Variants in ADGRL2 observed in about 807,000 individuals in gnomAD.
ADGRL2 encodes the protein adhesion G protein-coupled receptor L2, also known as calcium-independent alpha-latrotoxin receptor 2.
In ADGRL2, 44 loss-of-function variants were observed where a neutral mutation model predicts 157.4. That is an observed-to-expected ratio of 0.28 (90% CI 0.22 to 0.36). The LOEUF (loss-of-function observed/expected upper bound fraction) is 0.36, where lower values mean the gene tolerates loss of function less well. ADGRL2 is among the 10% of genes least tolerant of loss of function. ADGRL2 has a pLI of 1.00. For missense variants in ADGRL2, 1,510 were observed against 1,768.9 expected, an observed-to-expected ratio of 0.85 and a Z score of 2.63; for synonymous variants, 585 against 624.7, an observed-to-expected ratio of 0.94 and a Z score of 0.95.
chr1:81,416,695 A>C (rs12740874), intron 1 of ADGRL2, among the ~76,000 whole-genome samples: 71,083 of 151,930 alleles, frequency 0.47, 17,262 homozygotes, highest in Non-Finnish European at 0.54. Context: ...TAACCTACTA[A>C]ATGTAGAAAT....
At chr1:81,837,823 A>G (rs1196397877) in intron 2 of ADGRL2, among the ~76,000 whole-genome samples, 1 of 152,020 alleles carries the variant, frequency 6.6e-6, no homozygotes, top group African/African-American at 2.4e-5. Context: ...AACAACACAC[A>G]TGCAGGTGTT....
intron 2 of ADGRL2, chr1:81,557,490 A>AAAGAAAG (rs1553123704): frequency 4.5e-5 from 4 of 88,586 alleles, no homozygotes; most frequent in East Asian, 4.0e-4. Context: ...AAGAAGAAAG[A>AAAGAAAG]AAGAAAGAAA....
At chr1:81,911,764 A>G (rs2094727146) in intron 3 of ADGRL2, among the ~76,000 whole-genome samples, 1 of 152,228 alleles carries the variant, frequency 6.6e-6, no homozygotes, top group Non-Finnish European at 1.5e-5. Context: ...GTAAATACAA[A>G]GAAGTATGAA....
intron 2 of ADGRL2, among the ~76,000 whole-genome samples, chr1:81,884,363 G>A (rs2094072171): frequency 6.6e-6 from 1 of 152,080 alleles, no homozygotes; most frequent in Admixed American, 6.6e-5. Context: ...TTCTGCCTGG[G>A]ATTATGTGTT....
chr1:81,968,171 C>T lies in ADGRL2; in HGVS notation c.2495C>T (p.Ala832Val). 1 of 1,612,146 alleles carries T rather than the reference C, an allele frequency of 6.2e-7. No homozygotes were observed. The highest frequency in any genetic ancestry group is 1.1e-5 in the South Asian group (1 of 90,396). ...GCATGCAGCCACCTAACCAATTTTG[C>T]AATTCTCATGGCCCACAGGGAAATT... is the stretch of plus-strand genomic sequence containing the variant. ...TCACSHLTNFAILMAHREIAY... is the reference protein window; with the variant it reads ...TCACSHLTNFVILMAHREIAY... Residue 832 changes from alanine to valine, a missense_variant, in exon 14 of 24, where the codon GCA becomes GTA. Physicochemically the swap from Ala to Val is moderately conservative, Grantham distance 64. Around this residue, in one of 4 missense-constraint regions of ADGRL2, gnomAD observed 497 missense variants for 627.2 expected, o/e 0.79. Transcript: ENST00000686636.
At chr1:81,340,110 G>A (rs1661959513) in intron 1 of ADGRL2, among the ~76,000 whole-genome samples, 1 of 152,156 alleles carries the variant, frequency 6.6e-6, no homozygotes. Flanking sequence ...TGAAGAATAT[G>A]TTTTTAATCA....
chr1:81,487,760 G>T (rs1056550778), intron 2 of ADGRL2, among the ~76,000 whole-genome samples: 5 of 152,046 alleles, frequency 3.3e-5, no homozygotes, highest in African/African-American at 1.2e-4. Flanking sequence ...CCATGTTAAG[G>T]TTATACTCCA....
chr1:81,563,160 T>C (rs1445783015), intron 2 of ADGRL2, among the ~76,000 whole-genome samples: 4 of 152,192 alleles, frequency 2.6e-5, no homozygotes, highest in African/African-American at 9.7e-5. Flanking sequence ...ACAGAGGAAA[T>C]GGGCTCGTGT....
intron 1 of ADGRL2, chr1:81,426,537 C>A: frequency 2.3e-6 from 1 of 432,062 alleles, no homozygotes; most frequent in Non-Finnish European, 4.6e-6. Flanking sequence ...GGATCATGAT[C>A]CAAAGGAACC....
At chr1:81,813,554 A>G (rs1169119623) in intron 1 of ADGRL2, among the ~76,000 whole-genome samples, 2 of 151,684 alleles carry the variant, frequency 1.3e-5, no homozygotes, top group African/African-American at 4.8e-5. Flanking sequence ...AGTGTGTGCC[A>G]CATTTATACA....
chr1:81,433,666 T>TA (rs2101632239), intron 1 of ADGRL2, among the ~76,000 whole-genome samples: 1 of 152,334 alleles, frequency 6.6e-6, no homozygotes, highest in African/African-American at 2.4e-5. Flanking sequence ...TTCTCATTTG[T>TA]AAAAGGAAAA....
In ADGRL2 at chr1:81,853,359, A is replaced by T. The variant is rs149909287; in HGVS notation, c.73+16302A>T. ...ACCTAGCAGGACAATGTACGACTGC[A>T]GGTGCTTATGTGGCAAGAGGATGCC... On this transcript the variant is annotated intron_variant, in intron 2 of 23. Transcript: ENST00000686636. 3.0e-3 allele frequency among the ~76,000 whole-genome samples: 462 copies of T among 152,252 alleles called. 1 individual carries two copies. Among genetic ancestry groups the T allele is most frequent in the African/African-American group, 0.011 (446 of 41,552 alleles).
chr1:81,695,167 G>A (rs1263792609), upstream of ADGRL2, among the ~76,000 whole-genome samples: 2 of 151,976 alleles, frequency 1.3e-5, no homozygotes, highest in African/African-American at 2.4e-5. Flanking sequence ...CACAAGTGGG[G>A]ACTCGACAGT....
chr1:81,670,707 C>A (rs1469765345), intron 3 of ADGRL2, among the ~76,000 whole-genome samples: 1 of 152,206 alleles, frequency 6.6e-6, no homozygotes, highest in African/African-American at 2.4e-5. Context: ...ACAAAATCAT[C>A]AGTGTAGCCA....
chr1:81,794,509 GTGTT>G (rs1178577535), intron 2 of ADGRL2, among the ~76,000 whole-genome samples: 3 of 152,090 alleles, frequency 2.0e-5, no homozygotes, highest in African/African-American at 7.2e-5. Flanking sequence ...GGTTATTTAT[GTGTT>G]TGTATTTCTA....
At chr1:81,703,456 G>C (rs949087337) in intron 1 of ADGRL2, among the ~76,000 whole-genome samples, 37 of 152,048 alleles carry the variant, frequency 2.4e-4, no homozygotes, top group African/African-American at 8.7e-4. Flanking sequence ...TATTCCAAGA[G>C]AGAAGGACAG....
intron 3 of ADGRL2, among the ~76,000 whole-genome samples, chr1:81,928,340 T>C (rs1424854020): frequency 6.6e-6 from 1 of 152,134 alleles, no homozygotes; most frequent in Admixed American, 6.6e-5. Context: ...GTACGGCTGA[T>C]TGAGGCATAA....
intron 3 of ADGRL2, among the ~76,000 whole-genome samples, chr1:81,607,026 T>G (rs748706470): frequency 2.6e-5 from 4 of 152,222 alleles, no homozygotes; most frequent in Non-Finnish European, 5.9e-5. Context: ...TCAAGATCTC[T>G]TCATCAACTT....
chr1:81,530,108 T>G (rs866708802), intron 2 of ADGRL2, among the ~76,000 whole-genome samples: 4 of 152,142 alleles, frequency 2.6e-5, no homozygotes, highest in African/African-American at 9.7e-5. Flanking sequence ...ATTAAATACT[T>G]ATAGATCACT....
Sources: allele counts gnomAD v4.1 joint callset (sites outside exome capture counted in the v4.1 genomes callset), GRCh38; gene constraint gnomAD v4.1.1; regional missense constraint gnomAD v4.1.1; transcripts MANE v1.5; gene names NCBI Gene and HGNC (gene_info 2026-07-23, HGNC 2026-07-21).